The following ZNF519 variants were observed in gnomAD, a reference collection of about 807,000 sequenced individuals.
ZNF519 encodes similar to Zinc finger protein 85 (Zinc finger protein HPF4) (HTF1).
A neutral mutation model predicts 7.4 loss-of-function variants in ZNF519; 7 were observed. That is an observed-to-expected ratio of 0.94 (90% confidence interval 0.54 to 1.77). The LOEUF is 1.77. Among genes scored for constraint, ZNF519 ranks in the 40% most tolerant of loss-of-function variants. ZNF519 has a pLI of 0.00. For missense variants in ZNF519, 586 were observed against 623.1 expected (o/e 0.94, Z 0.63); for synonymous variants, 179 against 203.3 (o/e 0.88, Z 1.02).
chr18:14,083,899 C>A (rs552734039), intron 3 of ZNF519, among the ~76,000 whole-genome samples: 5 of 152,198 alleles, frequency 3.3e-5, no homozygotes, highest in Non-Finnish European at 7.3e-5. Context: ...GACAATGCAT[C>A]CGATGTGTCC....
chr18:14,120,732 TC>T (rs1177157440), intron 2 of ZNF519, among the ~76,000 whole-genome samples: 13 of 152,036 alleles, frequency 8.6e-5, no homozygotes, highest in African/African-American at 2.9e-4. Context: ...AGATTATTTT[TC>T]CCCAAAGAAG....
intron 2 of ZNF519, among the ~76,000 whole-genome samples, chr18:14,117,436 G>T (rs2046251223): frequency 6.6e-6 from 1 of 152,146 alleles, no homozygotes; most frequent in Non-Finnish European, 1.5e-5. Context: ...ATGTTGTCAA[G>T]AGCATAGAGG....
At position 14,100,062 on chromosome 18, in the gene ZNF519, T is replaced by C. The variant is rs1305431556; in HGVS notation, c.*4855A>G. Reference sequence around the variant, plus strand: ...GAAAACATGCAGACATGAATAAACATTTCATCAGAGATAATAGGCAGATGT... The same window carrying C: ...GAAAACATGCAGACATGAATAAACACTTCATCAGAGATAATAGGCAGATGT... On this transcript the variant is annotated 3_prime_UTR_variant, in exon 3 of 3. Coordinates refer to ENST00000590202, the MANE Select transcript of ZNF519 (RefSeq NM_145287.4). 1 of 152,128 alleles carries C rather than the reference T, an allele frequency of 6.6e-6. No homozygotes were observed. Among genetic ancestry groups the C allele is most frequent in the African/African-American group, 2.4e-5 (1 of 41,424 alleles). The allele number at this position is 152,128 out of a possible 1,614,324, so 9.4% of individuals were successfully genotyped here. A position where few individuals can be genotyped will look rare whatever the true frequency, so the allele number is the denominator to read the frequency against.
chr18:14,089,408 C>T (rs1025765049), intron 2 of ZNF519, among the ~76,000 whole-genome samples: 3 of 152,108 alleles, frequency 2.0e-5, no homozygotes, highest in African/African-American at 7.2e-5. Flanking sequence ...AATGAAAGAA[C>T]TCATTCATCT....
At chr18:14,094,547 T>G (rs1312266831) in intron 2 of ZNF519, among the ~76,000 whole-genome samples, 1 of 150,624 alleles carries the variant, frequency 6.6e-6, no homozygotes, top group Admixed American at 6.7e-5. Flanking sequence ...ATAAAGTTTG[T>G]GTCCTTCATT....
At chr18:14,124,264 G>T in intron 2 of ZNF519, 86 bp downstream of exon 2, 1 of 1,261,150 alleles carries the variant, frequency 7.9e-7, no homozygotes. Context: ...TTCATGCAAA[G>T]CAGAAGCTCT....
At chr18:14,073,925 C>T (rs911952608), downstream of ZNF519, 4 of 152,196 alleles carry the variant, frequency 2.6e-5, no homozygotes, top group East Asian at 1.9e-4. Context: ...TTCACTCCCT[C>T]GAATAGCTAC....
In ZNF519 at chr18:14,124,347, C is replaced by T. The variant is rs1429763823; in HGVS notation, c.130+3G>A. The stretch of plus-strand genomic sequence containing the variant: ...AGGAATTATGTATTGAAGTTATTCT[C>T]ACCCAGGGAGACGAGGTTTCTGTAG... On this transcript the variant is annotated splice_donor_region_variant and intron_variant, in intron 2 of 2. Coordinates refer to ENST00000590202, the MANE Select transcript of ZNF519 (RefSeq NM_145287.4). 1 of 1,601,584 alleles carries T rather than the reference C, an allele frequency of 6.2e-7. No homozygotes were observed. Among genetic ancestry groups the T allele is most frequent in the Non-Finnish European group, 8.5e-7 (1 of 1,177,218 alleles).
At chr18:14,092,918 C>T (rs1036523992) in intron 2 of ZNF519, among the ~76,000 whole-genome samples, 5 of 152,170 alleles carry the variant, frequency 3.3e-5, no homozygotes, top group African/African-American at 1.2e-4. Flanking sequence ...GGCTGCATCC[C>T]TAGGATAAAA....
intron 1 of ZNF519, among the ~76,000 whole-genome samples, chr18:14,131,788 T>C: frequency 6.6e-6 from 1 of 152,166 alleles, no homozygotes; most frequent in East Asian, 1.9e-4. Flanking sequence ...TTGTCTTTGC[T>C]TCCTCACACA....
downstream of ZNF519, among the ~76,000 whole-genome samples, chr18:14,095,196 G>A (rs969812520): frequency 2.0e-5 from 3 of 152,082 alleles, no homozygotes; most frequent in East Asian, 1.9e-4. Context: ...AAACCTAAAG[G>A]GGTCCATTTG....
intron 3 of ZNF519, among the ~76,000 whole-genome samples, chr18:14,080,697 C>A (rs2046067719): frequency 6.6e-6 from 1 of 152,130 alleles, no homozygotes; most frequent in African/African-American, 2.4e-5. Flanking sequence ...CCCAAAGATG[C>A]TGAAAACTTA....
At chr18:14,121,370 A>T (rs557649883) in intron 2 of ZNF519, among the ~76,000 whole-genome samples, 12 of 152,134 alleles carry the variant, frequency 7.9e-5, no homozygotes, top group Non-Finnish European at 1.5e-5. Context: ...AAGGTTATCC[A>T]TGTAAGGTAA....
chr18:14,123,142 C>G (rs923425618), intron 2 of ZNF519: 7 of 249,072 alleles, frequency 2.8e-5, no homozygotes, highest in Non-Finnish European at 5.0e-5. Flanking sequence ...TCTCATCTAT[C>G]TTCAAATTGT....
chr18:14,123,116 G>T, intron 2 of ZNF519: 1 of 220,138 alleles, frequency 4.5e-6, no homozygotes. Context: ...TCACTTACTT[G>T]GGGGTTTGGC....
intron 3 of ZNF519, among the ~76,000 whole-genome samples, chr18:14,083,106 T>C (rs572367992): frequency 6.6e-6 from 1 of 152,174 alleles, no homozygotes; most frequent in Non-Finnish European, 1.5e-5. Context: ...TCCCAGAACT[T>C]TGAGAGGCTG....
At chr18:14,125,779 G>A (rs2046296081) in intron 1 of ZNF519, among the ~76,000 whole-genome samples, 1 of 151,994 alleles carries the variant, frequency 6.6e-6, no homozygotes, top group Non-Finnish European at 1.5e-5. Context: ...CCGCCTCCCA[G>A]GTCCAAGCAA....
downstream of ZNF519, among the ~76,000 whole-genome samples, chr18:14,095,616 G>A (rs7232985): frequency 0.031 from 4,724 of 152,264 alleles, 242 homozygotes; most frequent in African/African-American, 0.11. Context: ...CCAGAGCTGC[G>A]GGTCTCCACA....
Position 14,102,852 on chromosome 18 carries a change from GAATT to G in ZNF519, c.*2061_*2064del, listed in dbSNP as rs1179926174. ...AGTGGTAATATTTTATATCTCATTG[GAATT>G]AATATAAATATAAAGCAGATTCTGA... On this transcript the variant is annotated 3_prime_UTR_variant, in exon 3 of 3. Coordinates refer to ENST00000590202, the MANE Select transcript of ZNF519 (RefSeq NM_145287.4). The G allele has an allele frequency of 6.6e-6, 1 of 151,840 alleles. No homozygotes were observed. The highest frequency in any genetic ancestry group is 2.4e-5 in the African/African-American group (1 of 41,328). 9.4% of individuals were successfully genotyped at this position (151,840 alleles called of 1,614,324 possible). A position where few individuals can be genotyped will look rare whatever the true frequency, so the allele number is the denominator to read the frequency against.
Sources: gnomAD v4.1 joint callset for allele counts (sites outside exome capture counted in the v4.1 genomes callset) on GRCh38, gnomAD v4.1.1 for gene constraint, MANE v1.5 for transcripts, NCBI Gene and HGNC (gene_info 2026-07-23, HGNC 2026-07-21) for gene names.